The following SEZ6L2 variants were observed in gnomAD, a reference collection of about 807,000 sequenced individuals.
The protein encoded by SEZ6L2 is seizure 6-like protein 2.
Under a neutral mutation model 97.0 loss-of-function variants are expected in SEZ6L2, and 44 were observed. The ratio of observed to expected loss-of-function variants is 0.45; its 90% CI spans 0.36 to 0.58. The LOEUF (loss-of-function observed/expected upper bound fraction) is 0.58. Ranked by LOEUF, SEZ6L2 falls within the 20% of genes least tolerant of loss-of-function variation. The pLI is 0.00. For missense variants in SEZ6L2, 1,086 were observed against 1,233.3 expected (o/e 0.88, Z 1.79); for synonymous variants, 543 against 546.1 (o/e 0.99, Z 0.08).
intron 9 of SEZ6L2, among the ~76,000 whole-genome samples, chr16:29,878,768 T>TC (rs1333711361): frequency 2.7e-5 from 4 of 148,944 alleles, no homozygotes; most frequent in Non-Finnish European, 4.5e-5. Context: ...TTTTTCTTTT[T>TC]TTTTTTTTTT....
chr16:29,895,976 T>TA (rs1265597828), intron 3 of SEZ6L2, 116 bp from the exon 4 acceptor site: 1 of 1,122,422 alleles, frequency 8.9e-7, no homozygotes, highest in African/African-American at 2.1e-5. Context: ...CTTTTTGTTT[T>TA]GTTTGAGACA....
intron 6 of SEZ6L2, 56 bp downstream of exon 6, chr16:29,888,484 C>T (rs986601822): frequency 1.2e-5 from 19 of 1,565,930 alleles, no homozygotes; most frequent in Non-Finnish European, 1.5e-5. Flanking sequence ...CGAGATAGGA[C>T]CCTCCCAATG....
At chr16:29,889,746 G>C (rs2068231389) in intron 5 of SEZ6L2, among the ~76,000 whole-genome samples, 1 of 142,916 alleles carries the variant, frequency 7.0e-6, no homozygotes, top group African/African-American at 2.6e-5. Context: ...TCCTGACCCA[G>C]CCTCCCAAGT....
At chr16:29,885,452 G>T (rs558988148) in intron 8 of SEZ6L2, 134 bp downstream of exon 8, 16 of 935,494 alleles carry the variant, frequency 1.7e-5, no homozygotes, top group African/African-American at 1.6e-4. Context: ...TTTTGGGGCA[G>T]GGAAGCGAGT....
At chr16:29,898,805 G>A in intron 1 of SEZ6L2, 136 bp downstream of exon 1, 1 of 665,542 alleles carries the variant, frequency 1.5e-6, no homozygotes, top group Non-Finnish European at 2.6e-6. Flanking sequence ...GAAAGCTCTG[G>A]CTTGCCCCTT....
rs1292927993 is a variant in SEZ6L2 at position 29,895,326 on chromosome 16, G to T, written c.786C>A (p.Asn262Lys). ...GEGQVLRSPT[N>K]RLLLHFQSPR... ...GGCTCTGGAAGTGCAGAAGCAGCCG[G>T]TTGGTTGGGCTCCGAAGGACTTGTC... is the stretch of plus-strand genomic sequence containing the variant. Residue 262 changes from asparagine to lysine, a missense_variant, in exon 5 of 18, where the codon AAC (asparagine) becomes AAA (lysine). By Grantham distance (94) the Asn-to-Lys change is moderately conservative. Coordinates refer to ENST00000617533, the MANE Select transcript of SEZ6L2 (RefSeq NM_001243332.2). 6.2e-7 allele frequency: 1 copy of T among 1,614,176 alleles called. No homozygotes were observed. The highest frequency in any genetic ancestry group is 2.2e-5 in the East Asian group (1 of 44,886).
intron 6 of SEZ6L2, among the ~76,000 whole-genome samples, chr16:29,888,324 C>T (rs935889405): frequency 1.3e-5 from 2 of 152,250 alleles, no homozygotes; most frequent in Admixed American, 6.5e-5. Context: ...TGGGACACCC[C>T]GAGATGGAGA....
In SEZ6L2 at chr16:29,895,381, A is replaced by T. The variant is rs772073976; in HGVS notation, c.731T>A (p.Leu244His). 14 of 1,614,078 alleles carry T rather than the reference A, an allele frequency of 8.7e-6. No individual in the cohort carries two copies. The highest frequency in any genetic ancestry group is 3.3e-5 in the Admixed American group (2 of 60,008). The change falls in exon 5 of 18, where the codon CTC (leucine) becomes CAC (histidine). Residue 244 changes from leucine (L) to histidine (H), a missense_variant. Coordinates refer to ENST00000617533, the MANE Select transcript of SEZ6L2 (RefSeq NM_001243332.2). ...TCCAAGCATGGATGAGTTGGCCAGG[A>T]GTCGGGGGGCCAGGCCTGGGGATCC... ...GGGSPGLAPR[L>H]LANSSMLGEG...
intron 3 of SEZ6L2, among the ~76,000 whole-genome samples, chr16:29,896,462 A>G (rs1167121042): frequency 6.6e-6 from 1 of 151,964 alleles, no homozygotes; most frequent in East Asian, 1.9e-4. Context: ...TATTTTTAGT[A>G]GAGACAGGGT....
At chr16:29,896,702 T>G in intron 3 of SEZ6L2, 120 bp downstream of exon 3, 1 of 783,380 alleles carries the variant, frequency 1.3e-6, no homozygotes, top group East Asian at 2.5e-5. Flanking sequence ...ACCTTTGTTA[T>G]TATTATTCTC....
intron 8 of SEZ6L2, among the ~76,000 whole-genome samples, chr16:29,883,551 T>G (rs958115671): frequency 6.6e-6 from 1 of 152,150 alleles, no homozygotes; most frequent in Non-Finnish European, 1.5e-5. Context: ...ACTCCTGGCC[T>G]CAAACAATCA....
intron 8 of SEZ6L2, among the ~76,000 whole-genome samples, chr16:29,884,889 G>C (rs1029405575): frequency 1.3e-5 from 2 of 150,806 alleles, no homozygotes; most frequent in Non-Finnish European, 2.9e-5. Context: ...CCCCAGCCTG[G>C]GCAACAAGAG....
At chr16:29,872,765 G>GGGA in intron 14 of SEZ6L2, 22 bp from the exon 15 acceptor site, 2 of 1,606,188 alleles carry the variant, frequency 1.2e-6, no homozygotes, top group Non-Finnish European at 1.7e-6. Flanking sequence ...GGAGGGGGAG[G>GGGA]GGATGGGGTC....
In SEZ6L2 at chr16:29,887,075, G is replaced by A. The variant is rs575413982; in HGVS notation, c.1208+574C>T. Reference sequence around the variant, plus strand: ...GCATGCCTGTAATCCCAACTAATCAGGAGGCTGAGGCAGGAGAATCACTTG... The same window carrying A: ...GCATGCCTGTAATCCCAACTAATCAAGAGGCTGAGGCAGGAGAATCACTTG... On this transcript the variant is annotated intron_variant, in intron 7 of 17. Transcript: ENST00000617533. Among the ~76,000 whole-genome samples, 48 of 151,726 alleles carry A rather than the reference G, an allele frequency of 3.2e-4. 1 individual carries two copies. The highest frequency in any genetic ancestry group is 1.1e-3 in the African/African-American group (44 of 41,396).
At position 29,877,450 on chromosome 16, in the gene SEZ6L2, C is replaced by T; in HGVS notation, c.1730G>A (p.Gly577Glu). 6.3e-7 allele frequency: 1 copy of T among 1,597,986 alleles called. No homozygotes were observed. Among genetic ancestry groups the T allele is most frequent in the East Asian group, 2.2e-5 (1 of 44,604 alleles). ...LQVEILNVRE[G>E]DMLTLFDGDG... ...CCCGTCGAACAGCGTCAGCATGTCC[C>T]CTTCCCGCACATTCAATCTGCAGGG... The change falls in exon 11 of 18, where the codon GGG (glycine) becomes GAG (glutamate). Residue 577 changes from glycine (G) to glutamate (E), a missense_variant. By Grantham distance (98) the Gly-to-Glu change is moderately conservative. Transcript: ENST00000617533.
chr16:29,896,836 G>T lies in SEZ6L2; in HGVS notation c.497C>A (p.Thr166Lys). ...TIITTTTVTT[T>K]VTSPVLCNNN... is the part of the protein sequence containing the mutation. ...TGTCGCCTCACCTGGGCTGGTCACC[G>T]TAGTGGTAACAGTTGTCGTGGTGAT... Residue 166 changes from threonine (T) to lysine (K), a missense_variant, in exon 3 of 18, where the codon ACG (threonine) becomes AAG (lysine). Around this residue, in one of 2 missense-constraint regions of SEZ6L2, gnomAD observed 776 missense variants for 794.7 expected, o/e 0.98. Transcript: ENST00000617533. 6.2e-7 allele frequency: 1 copy of T among 1,613,968 alleles called. No individual in the cohort carries two copies. Among genetic ancestry groups the T allele is most frequent in the South Asian group, 1.1e-5 (1 of 91,064 alleles).
In SEZ6L2 at chr16:29,878,356, C is replaced by A; in HGVS notation, c.1643G>T (p.Ser548Ile). The change falls in exon 10 of 18, where the codon AGC becomes ATC. Residue 548 changes from serine to isoleucine, a missense_variant. Coordinates refer to ENST00000617533, the MANE Select transcript of SEZ6L2 (RefSeq NM_001243332.2). ...GCCCCACACGCAGTCTTGGCCCGGG[C>A]TATAGCTCTGGGGCCAGTCGGGAGA... ...VLSPDWPQSY[S>I]PGQDCVWGVH... The A allele has an allele frequency of 1.2e-6, 2 of 1,608,398 alleles. No individual in the cohort carries two copies. Among genetic ancestry groups the A allele is most frequent in the Non-Finnish European group, 1.7e-6 (2 of 1,177,026 alleles).
chr16:29,897,974 C>T lies in SEZ6L2; in HGVS notation c.90G>A (p.Leu30=). Residue 30 remains leucine (L), a synonymous_variant, in exon 2 of 18, where the codon CTG becomes CTA. Coordinates refer to ENST00000617533, the MANE Select transcript of SEZ6L2 (RefSeq NM_001243332.2). Reference sequence around the variant, plus strand: ...GCTCTGGCAATATCTCCTCCTCCTTCAGGGGCAGACCTAGGAGGTGAAGTT... The same window carrying T: ...GCTCTGGCAATATCTCCTCCTCCTTTAGGGGCAGACCTAGGAGGTGAAGTT... The part of the protein sequence containing the change: ...LSCPWIQGLP[L]KEEEILPEPG... 3 of 1,613,428 alleles carry T rather than the reference C, an allele frequency of 1.9e-6. No homozygotes were observed. The highest frequency in any genetic ancestry group is 2.5e-6 in the Non-Finnish European group (3 of 1,179,636).
rs1234874241 is a variant in SEZ6L2, at chr16:29,898,990, C to T, written c.30G>A (p.Pro10=). 1 of 1,611,276 alleles carries T rather than the reference C, an allele frequency of 6.2e-7. No individual in the cohort carries two copies. The highest frequency in any genetic ancestry group is 1.7e-5 in the Admixed American group (1 of 59,864). The change falls in exon 1 of 18, where the codon CCG becomes CCA. Residue 10 remains proline, a synonymous_variant. Transcript: ENST00000617533. ...GAATTAGGAACAGCAGCTGGGGAGG[C>T]GGCGGGTGCTGGGCCCTGGGAGTCC... The part of the protein sequence containing the change: MGTPRAQHP[P]PPQLLFLILL...
Sources: allele counts gnomAD v4.1 joint callset (sites outside exome capture counted in the v4.1 genomes callset), GRCh38; gene constraint gnomAD v4.1.1; regional missense constraint gnomAD v4.1.1; transcripts MANE v1.5; gene names NCBI Gene and HGNC (gene_info 2026-07-23, HGNC 2026-07-21).